HDDC2: variants seen among roughly 807,000 people sequenced by gnomAD.
HDDC2 encodes 5'-deoxynucleotidase HDDC2.
In HDDC2, 25 loss-of-function variants were observed where a neutral mutation model predicts 25.5. The ratio of observed to expected loss-of-function variants is 0.98; its 90% CI spans 0.72 to 1.37. HDDC2 has a LOEUF of 1.37. HDDC2 is among the 40% of genes most tolerant of loss of function. HDDC2 has a pLI of 0.00. For synonymous variants in HDDC2, 106 were observed against 89.7 expected (o/e 1.18, Z -1.03); for missense variants, 264 against 253.1 (o/e 1.04, Z -0.29).
At chr6:125,286,224 A>C (rs185928398) in intron 4 of HDDC2, among the ~76,000 whole-genome samples, 1 of 152,256 alleles carries the variant, frequency 6.6e-6, no homozygotes, top group Non-Finnish European at 1.5e-5. Context: ...GGTGATAAAC[A>C]TAACTATATG....
intron 3 of HDDC2, among the ~76,000 whole-genome samples, chr6:125,294,086 C>T (rs1172461090): frequency 1.3e-5 from 2 of 152,212 alleles, no homozygotes; most frequent in African/African-American, 2.4e-5. Context: ...TCTCAAAAAG[C>T]TTCAAATTCC....
chr6:125,285,232 G>T (rs1334870940), intron 4 of HDDC2, among the ~76,000 whole-genome samples: 1 of 151,924 alleles, frequency 6.6e-6, no homozygotes, highest in African/African-American at 2.4e-5. Context: ...GTTGATGGGT[G>T]CAGCAAACCA....
chr6:125,301,210 T>G (rs1798796407), intron 1 of HDDC2, among the ~76,000 whole-genome samples: 1 of 152,150 alleles, frequency 6.6e-6, no homozygotes, highest in South Asian at 2.1e-4. Context: ...ATGTTATAAA[T>G]AGTAGTCAGA....
In HDDC2 at chr6:125,277,110, G is replaced by A; in HGVS notation, c.509C>T (p.Ser170Phe). ...AAAATGGTGTTGAGTACCTGCTGTG[G>A]AATCATAGAAGTCTTGCAGTCTCCC... ...KPGRLQDFYD[S>F]TAGKFNHPEI... The change falls in exon 5 of 6, where the codon TCC (serine) becomes TTC (phenylalanine). Residue 170 changes from serine to phenylalanine, a missense_variant. Coordinates refer to ENST00000398153, the MANE Select transcript of HDDC2 (RefSeq NM_016063.3). 3 of 1,614,022 alleles carry A rather than the reference G, an allele frequency of 1.9e-6. No homozygotes were observed. Among genetic ancestry groups the A allele is most frequent in the Non-Finnish European group, 2.5e-6 (3 of 1,179,988 alleles).
At chr6:125,278,721 G>C (rs1798411157) in intron 4 of HDDC2, 1 of 152,158 alleles carries the variant, frequency 6.6e-6, no homozygotes. Flanking sequence ...ATCTGGATTG[G>C]AAGCAGAGAA....
intron 3 of HDDC2, among the ~76,000 whole-genome samples, chr6:125,295,693 C>A (rs575464942): frequency 1.3e-5 from 2 of 152,158 alleles, no homozygotes; most frequent in East Asian, 3.9e-4. Context: ...GATAAAGTTC[C>A]ATTCTCTTTG....
At chr6:125,299,766 CTT>C (rs954184126) in intron 2 of HDDC2, among the ~76,000 whole-genome samples, 44 of 152,362 alleles carry the variant, frequency 2.9e-4, no homozygotes, top group African/African-American at 9.6e-4. Context: ...CAAATGAACT[CTT>C]TGCTGCAGTC....
chr6:125,282,801 A>T (rs552816426), intron 4 of HDDC2, among the ~76,000 whole-genome samples: 22 of 152,380 alleles, frequency 1.4e-4, no homozygotes, highest in African/African-American at 5.0e-4. Flanking sequence ...CAGGCTCAAA[A>T]TAAATGGATG....
intron 4 of HDDC2, among the ~76,000 whole-genome samples, chr6:125,288,619 C>G (rs1007887746): frequency 4.0e-5 from 6 of 151,574 alleles, no homozygotes; most frequent in African/African-American, 1.5e-4. Flanking sequence ...ACAATGAACT[C>G]AAACAAATTT....
At position 125,298,698 on chromosome 6, in the gene HDDC2, A is replaced by C; in HGVS notation, c.309+16T>G. On this transcript the variant is annotated intron_variant, in intron 3 of 5. Coordinates refer to ENST00000398153, the MANE Select transcript of HDDC2 (RefSeq NM_016063.3). ...TTTTCTGGTGGTTTTTTGCACAGTC[A>C]ATAGTCAACACTGACCTCTTCTCGC... is the stretch of plus-strand genomic sequence containing the variant. The C allele has an allele frequency of 6.3e-7, 1 of 1,597,832 alleles. No homozygotes were observed. The highest frequency in any genetic ancestry group is 8.6e-7 in the Non-Finnish European group (1 of 1,165,126).
chr6:125,292,085 A>AAG (rs1798639872), intron 4 of HDDC2, among the ~76,000 whole-genome samples: 1 of 152,104 alleles, frequency 6.6e-6, no homozygotes, highest in Non-Finnish European at 1.5e-5. Flanking sequence ...ATGAATATGG[A>AAG]CTTTGAAGAA....
intron 4 of HDDC2, among the ~76,000 whole-genome samples, chr6:125,288,322 G>T (rs534350643): frequency 6.6e-6 from 1 of 152,266 alleles, no homozygotes; most frequent in Non-Finnish European, 1.5e-5. Context: ...CACTGATGGG[G>T]TGCTGGCAGC....
chr6:125,276,948 C>T, intron 5 of HDDC2, 154 bp downstream of exon 5: 1 of 713,312 alleles, frequency 1.4e-6, no homozygotes, highest in Non-Finnish European at 2.3e-6. Flanking sequence ...TCCTCAGCCT[C>T]TTACCCGAAT....
intron 2 of HDDC2, among the ~76,000 whole-genome samples, chr6:125,299,328 G>C (rs990989766): frequency 2.0e-5 from 3 of 152,170 alleles, no homozygotes; most frequent in African/African-American, 4.8e-5. Flanking sequence ...GGTTGTAGTT[G>C]GCTGACACTG....
intron 4 of HDDC2, among the ~76,000 whole-genome samples, chr6:125,281,546 G>A (rs1583049241): frequency 6.6e-6 from 1 of 152,118 alleles, no homozygotes; most frequent in East Asian, 1.9e-4. Flanking sequence ...CACAGCATGA[G>A]AACTTCGTGA....
chr6:125,295,046 T>C (rs1445965969), intron 3 of HDDC2, among the ~76,000 whole-genome samples: 1 of 152,260 alleles, frequency 6.6e-6, no homozygotes, highest in Non-Finnish European at 1.5e-5. Flanking sequence ...TATTCTTTGT[T>C]TGGCAGCACA....
At chr6:125,301,752 A>C in intron 1 of HDDC2, 97 bp downstream of exon 1, 1 of 843,920 alleles carries the variant, frequency 1.2e-6, no homozygotes, top group Non-Finnish European at 1.8e-6. Context: ...CGGCGCAGGA[A>C]GGGCAAAGAC....
intron 4 of HDDC2, among the ~76,000 whole-genome samples, chr6:125,292,582 G>A (rs1473288811): frequency 6.6e-6 from 1 of 152,154 alleles, no homozygotes; most frequent in African/African-American, 2.4e-5. Flanking sequence ...GGGTGGGTGT[G>A]GGCAAAGCAG....
intron 4 of HDDC2, among the ~76,000 whole-genome samples, chr6:125,285,073 C>T (rs182253328): frequency 1.9e-4 from 29 of 150,400 alleles, no homozygotes; most frequent in Non-Finnish European, 3.7e-4. Context: ...AACAGAAAAC[C>T]AACCACCATA....
Sources: allele counts gnomAD v4.1 joint callset (sites outside exome capture counted in the v4.1 genomes callset), GRCh38; gene constraint gnomAD v4.1.1; transcripts MANE v1.5; gene names NCBI Gene and HGNC (gene_info 2026-07-23, HGNC 2026-07-21).